The following LCTL variants were observed in gnomAD, a reference collection of about 807,000 sequenced individuals.
The protein encoded by LCTL is lactase like, also known as lactase-like protein.
Under a neutral mutation model 75.8 loss-of-function variants are expected in LCTL, and 76 were observed. The ratio of observed to expected loss-of-function variants is 1.00; its 90% CI spans 0.83 to 1.21. The LOEUF (loss-of-function observed/expected upper bound fraction) is 1.21. LCTL is among the 50% of genes most tolerant of loss of function. LCTL has a pLI of 0.00. For synonymous variants in LCTL, 271 were observed against 268.8 expected, an observed-to-expected ratio of 1.01 and a Z score of -0.08; for missense variants, 670 against 712.4, an observed-to-expected ratio of 0.94 and a Z score of 0.68.
intron 6 of LCTL, 112 bp downstream of exon 7, chr15:66,560,894 G>A: frequency 1.2e-6 from 1 of 849,024 alleles, no homozygotes; most frequent in Non-Finnish European, 1.9e-6. Context: ...AAGGTGCTAT[G>A]GAGTATGCTG....
chr15:66,565,538 G>C, upstream of LCTL: 1 of 569,144 alleles, frequency 1.8e-6, no homozygotes, highest in Non-Finnish European at 3.1e-6. Context: ...GTCTGATGCT[G>C]TTTCCGTGCC....
upstream of LCTL, chr15:66,565,524 G>A (rs189255766): frequency 2.0e-3 from 1,179 of 579,570 alleles, 6 homozygotes; most frequent in Non-Finnish European, 2.8e-3. Flanking sequence ...GGCTGAGGCT[G>A]GATGTCTGAT....
intron 6 of LCTL, among the ~76,000 whole-genome samples, chr15:66,560,254 C>T (rs11857642): frequency 0.14 from 22,043 of 152,120 alleles, 1,666 homozygotes; most frequent in Non-Finnish European, 0.16. Flanking sequence ...GTCCACCTTC[C>T]GCTAAGTGTC....
intron 11 of LCTL, 108 bp from the exon 13 acceptor site, chr15:66,550,212 A>C: frequency 3.1e-6 from 2 of 655,088 alleles, no homozygotes; most frequent in Non-Finnish European, 5.4e-6. Context: ...TTTAAAATCT[A>C]TCTGTAGTTT....
chr15:66,564,966 G>A (rs1388638631), intron 1 of LCTL, 127 bp from the exon 3 acceptor site: 1 of 859,278 alleles, frequency 1.2e-6, no homozygotes, highest in Non-Finnish European at 1.8e-6. Flanking sequence ...TCCCACTGGG[G>A]ACTTGTCTTC....
chr15:66,549,860 T>TTAAA, intron 12 of LCTL, 181 bp downstream of exon 13: 1 of 462,304 alleles, frequency 2.2e-6, no homozygotes, highest in Non-Finnish European at 3.9e-6. Flanking sequence ...TCATGGTAGA[T>TTAAA]TAAATGCTTT....
chr15:66,557,791 A>G (rs1895773858), exon 8 of LCTL: 1 of 1,614,194 alleles, frequency 6.2e-7, no homozygotes, highest in Admixed American at 1.7e-5. Flanking sequence ...CCCAGACAGA[A>G]CTGTAGGTAT....
At chr15:66,554,288 CAAAAAAAAAA>C (rs547806774) in intron 8 of LCTL, among the ~76,000 whole-genome samples, 1 of 43,404 alleles carries the variant, frequency 2.3e-5, no homozygotes, top group South Asian at 8.3e-4. Flanking sequence ...AAGACTGTCT[CAAAAAAAAAA>C]AAAAAAAAAA....
intron 8 of LCTL, among the ~76,000 whole-genome samples, chr15:66,555,281 A>G (rs1895713730): frequency 6.6e-6 from 1 of 151,928 alleles, no homozygotes; most frequent in Non-Finnish European, 1.5e-5. Flanking sequence ...GAAGGATTGA[A>G]TTTTTAATTT....
intron 8 of LCTL, 107 bp downstream of exon 9, chr15:66,557,615 A>G: frequency 9.1e-7 from 1 of 1,095,776 alleles, no homozygotes; most frequent in African/African-American, 1.6e-5. Context: ...TCCCTTGAGT[A>G]CCTCACCCAG....
At chr15:66,552,630 A>T (rs571590799) in intron 9 of LCTL, among the ~76,000 whole-genome samples, 2 of 145,488 alleles carry the variant, frequency 1.4e-5, no homozygotes, top group East Asian at 4.1e-4. Flanking sequence ...AGATCATGCC[A>T]CTGCACTCCA....
chr15:66,553,405 G>A, intron 8 of LCTL, 147 bp from the exon 10 acceptor site: 1 of 624,184 alleles, frequency 1.6e-6, no homozygotes, highest in Non-Finnish European at 2.5e-6. Flanking sequence ...CATCCAAAGT[G>A]GAATTTTTGA....
rs773131798 is a variant in LCTL, at chr15:66,565,243, C to T, written c.118+5G>A. The T allele has an allele frequency of 1.6e-5, 26 of 1,586,686 alleles. No homozygotes were observed. Among genetic ancestry groups the T allele is most frequent in the Non-Finnish European group, 1.9e-5 (22 of 1,155,344 alleles). On this transcript the variant is annotated splice_donor_5th_base_variant and intron_variant, in intron 1 of 12. Transcript: ENST00000341509. ...GCAGACAGACGAACAGAGGCGTGGC[C>T]GTACCAAGAGGGAAGGTTCCATAGT...
chr15:66,549,388 A>C (rs1334125484), intron 12 of LCTL: 1 of 152,238 alleles, frequency 6.6e-6, no homozygotes, highest in African/African-American at 2.4e-5. Flanking sequence ...CGCACCTTCC[A>C]TCTTTGCTAC....
intron 3 of LCTL, 60 bp from the exon 5 acceptor site, chr15:66,563,685 C>G: frequency 1.6e-6 from 2 of 1,276,430 alleles, no homozygotes; most frequent in South Asian, 2.5e-5. Flanking sequence ...CCTTGGCCTT[C>G]TGGAGTGCAG....
intron 1 of LCTL, 30 bp from the exon 3 acceptor site, chr15:66,564,869 G>C (rs1320727425): frequency 4.4e-6 from 7 of 1,598,098 alleles, no homozygotes; most frequent in Non-Finnish European, 5.1e-6. Context: ...CTGGGTCCCA[G>C]GTGCTCCCAT....
chr15:66,556,931 A>G (rs187977242), intron 8 of LCTL, among the ~76,000 whole-genome samples: 104 of 144,570 alleles, frequency 7.2e-4, no homozygotes, highest in African/African-American at 2.7e-3. Context: ...TTTTGCCACA[A>G]TAAAAAAAAA....
At chr15:66,557,849 C>T in exon 8 of LCTL, 1 of 1,614,080 alleles carries the variant, frequency 6.2e-7, no homozygotes, top group Non-Finnish European at 8.5e-7. Context: ...CCACAGGTTC[C>T]CCCCAGTCAC....
exon 13 of LCTL, chr15:66,548,531 T>C: frequency 6.2e-7 from 1 of 1,613,264 alleles, no homozygotes; most frequent in Non-Finnish European, 8.5e-7. Context: ...AGAACAGCAG[T>C]GATGAGGACA....
Sources: allele counts gnomAD v4.1 joint callset (sites outside exome capture counted in the v4.1 genomes callset), GRCh38; gene constraint gnomAD v4.1.1; transcripts MANE v1.5; gene names NCBI Gene and HGNC (gene_info 2026-07-23, HGNC 2026-07-21).